Variants in SNURF observed in about 807,000 individuals in gnomAD.
SNURF encodes SNRPN upstream open reading frame, also known as SNURF protein.
A neutral mutation model predicts 11.6 loss-of-function variants in SNURF; 6 were observed. That is an observed-to-expected ratio of 0.52 (90% CI 0.28 to 1.02). SNURF has a LOEUF of 1.02. Ranked by LOEUF, SNURF falls within the 50% of genes least tolerant of loss-of-function variation. SNURF has a pLI of 0.09. For synonymous variants in SNURF, 29 were observed against 31.6 expected (o/e 0.92, Z 0.27); for missense variants, 84 against 88.4 (o/e 0.95, Z 0.20).
At chr15:24,965,878 T>G (rs992889643) in intron 2 of SNURF, among the ~76,000 whole-genome samples, 1 of 152,194 alleles carries the variant, frequency 6.6e-6, no homozygotes, top group African/African-American at 2.4e-5. Flanking sequence ...TATATTTTTT[T>G]TTACTGAAAC....
downstream of SNURF, among the ~76,000 whole-genome samples, chr15:24,971,149 A>C (rs2076352240): frequency 6.6e-6 from 1 of 152,142 alleles, no homozygotes; most frequent in Non-Finnish European, 1.5e-5. Flanking sequence ...TAATCATTTG[A>C]AAGTCTACAG....
chr15:24,963,166 C>G (rs190725115), intron 2 of SNURF, among the ~76,000 whole-genome samples: 2 of 152,216 alleles, frequency 1.3e-5, no homozygotes, highest in East Asian at 3.9e-4. Context: ...GACAATATGT[C>G]TTGGTGATCT....
chr15:24,968,104 A>G (rs960811178), exon 3 of SNURF: 2 of 1,334,946 alleles, frequency 1.5e-6, no homozygotes, highest in African/African-American at 2.9e-5. Flanking sequence ...TGCAGCAATG[A>G]TCAAGAATAA....
intron 3 of SNURF, chr15:24,974,826 T>C: frequency 1.5e-6 from 1 of 671,808 alleles, no homozygotes; most frequent in Admixed American, 2.2e-5. Flanking sequence ...CCCAAAGTGC[T>C]GGGATTACAG....
chr15:24,968,428 G>GT (rs1474474219), downstream of SNURF: 6 of 185,798 alleles, frequency 3.2e-5, no homozygotes, highest in Non-Finnish European at 4.5e-5. Flanking sequence ...TCTGCCAGTA[G>GT]TTTGAACAAA....
chr15:24,958,624 C>T (rs923513873), intron 1 of SNURF: 2 of 151,072 alleles, frequency 1.3e-5, no homozygotes, highest in South Asian at 2.1e-4. Flanking sequence ...TGTGGCTGGC[C>T]CAAATTCTCT....
At chr15:24,977,631 T>G in intron 6 of SNURF, 2 of 781,350 alleles carry the variant, frequency 2.6e-6, no homozygotes, top group South Asian at 4.7e-5. Context: ...AGAGTGAAAC[T>G]GTCTCAAAAA....
chr15:24,970,221 A>G (rs1333192779), downstream of SNURF, among the ~76,000 whole-genome samples: 1 of 152,172 alleles, frequency 6.6e-6, no homozygotes, highest in East Asian at 1.9e-4. Flanking sequence ...ACAACATTTA[A>G]ACACTTCGTA....
intron 2 of SNURF, among the ~76,000 whole-genome samples, chr15:24,965,538 A>G (rs1467144306): frequency 6.6e-6 from 1 of 152,158 alleles, no homozygotes; most frequent in Non-Finnish European, 1.5e-5. Flanking sequence ...CCATCTCAAA[A>G]TAAAGTAAAA....
chr15:24,972,128 C>T (rs982519839), downstream of SNURF, among the ~76,000 whole-genome samples: 26 of 151,754 alleles, frequency 1.7e-4, no homozygotes, highest in South Asian at 4.2e-4. Context: ...TGGTGGCGGG[C>T]GCCTGTAATC....
At chr15:24,971,556 A>T (rs113136197), downstream of SNURF, among the ~76,000 whole-genome samples, 371 of 151,796 alleles carry the variant, frequency 2.4e-3, 2 homozygotes, top group African/African-American at 8.5e-3. Context: ...TATAAATATA[A>T]AATAATAATC....
At chr15:24,961,407 T>C (rs2074784022) in intron 1 of SNURF, among the ~76,000 whole-genome samples, 1 of 152,216 alleles carries the variant, frequency 6.6e-6, no homozygotes, top group Admixed American at 6.5e-5. Context: ...AAGGTCCTGC[T>C]GACCTTTCTG....
intron 1 of SNURF, among the ~76,000 whole-genome samples, chr15:24,958,386 C>T (rs1229070297): frequency 2.6e-4 from 32 of 124,216 alleles, no homozygotes; most frequent in Admixed American, 1.3e-3. Context: ...GTCCTGTCTC[C>T]TTTTTTTTTT....
intron 3 of SNURF, among the ~76,000 whole-genome samples, chr15:24,974,014 C>G (rs1305599964): frequency 2.0e-5 from 3 of 152,088 alleles, no homozygotes; most frequent in African/African-American, 7.2e-5. Flanking sequence ...GAGACACTAC[C>G]TTAAATAAGG....
Position 24,975,095 on chromosome 15 carries a change from G to C in SNURF, c.*46-263G>C. 4.7e-6 allele frequency: 3 copies of C among 644,384 alleles called. No homozygotes were observed. In the South Asian group the frequency reaches 5.3e-5, roughly 11 times the overall value. 39.9% of individuals were successfully genotyped at this position (644,384 alleles called of 1,614,324 possible). A position where few individuals can be genotyped will look rare whatever the true frequency, so the allele number is the denominator to read the frequency against. On this transcript the variant is annotated intron_variant and NMD_transcript_variant, in intron 3 of 6. Coordinates refer to the SNURF transcript ENST00000580062. ...TTTACTTAGGGGAGTGGACAGTTTA[G>C]AGCATGCATCGTCACAGAGAAGGAT...
chr15:24,971,157 C>T (rs964967519), downstream of SNURF, among the ~76,000 whole-genome samples: 10 of 151,518 alleles, frequency 6.6e-5, no homozygotes, highest in African/African-American at 1.7e-4. Context: ...TGAAAGTCTA[C>T]AGTTTCCTAA....
chr15:24,961,286 C>T (rs2074762947), intron 1 of SNURF, among the ~76,000 whole-genome samples: 1 of 152,170 alleles, frequency 6.6e-6, no homozygotes, highest in South Asian at 2.1e-4. Context: ...TTTTACCAAT[C>T]TAAAAGTCTA....
chr15:24,978,369 G>A (rs752406726), downstream of SNURF: 3 of 1,613,978 alleles, frequency 1.9e-6, no homozygotes, highest in South Asian at 3.3e-5. Context: ...CTGAATATGT[G>A]TATCCTCTTT....
exon 7 of SNURF, chr15:24,977,780 A>G: frequency 6.3e-7 from 1 of 1,598,838 alleles, no homozygotes. Flanking sequence ...CTTCTCAGGT[A>G]ATGACTCCAC....
Sources: gnomAD v4.1 joint callset for allele counts (sites outside exome capture counted in the v4.1 genomes callset) on GRCh38, gnomAD v4.1.1 for gene constraint, MANE v1.5 for transcripts, NCBI Gene and HGNC (gene_info 2026-07-23, HGNC 2026-07-21) for gene names.